SDCCAG8: variants seen among roughly 807,000 people sequenced by gnomAD.
SDCCAG8 encodes the protein SHH signaling and ciliogenesis regulator SDCCAG8.
Under a neutral mutation model 101.8 loss-of-function variants are expected in SDCCAG8, and 74 were observed. The observed-to-expected ratio is 0.73, with a 90% CI of 0.60 to 0.88. SDCCAG8 has a LOEUF of 0.88. Ranked by LOEUF, SDCCAG8 falls within the 40% of genes least tolerant of loss-of-function variation. The probability of loss-of-function intolerance (pLI) is 0.00; values close to 1 mark genes in which losing one functional copy is unlikely to be tolerated. For missense variants in SDCCAG8, 787 were observed against 822.6 expected, an observed-to-expected ratio of 0.96 and a Z score of 0.53; for synonymous variants, 281 against 292.9, an observed-to-expected ratio of 0.96 and a Z score of 0.41.
intron 16 of SDCCAG8, among the ~76,000 whole-genome samples, chr1:243,430,081 G>T (rs1205330925): frequency 2.0e-5 from 3 of 151,972 alleles, no homozygotes; most frequent in Non-Finnish European, 4.4e-5. Context: ...CCATCCTCCC[G>T]CCTCGGCCTT....
chr1:243,451,372 C>A (rs903083286), intron 16 of SDCCAG8, among the ~76,000 whole-genome samples: 3 of 152,212 alleles, frequency 2.0e-5, no homozygotes, highest in African/African-American at 7.2e-5. Flanking sequence ...TAGTTCTCCC[C>A]TCCATAATCC....
At chr1:243,489,244 T>G in intron 17 of SDCCAG8, 104 bp downstream of exon 17, 1,252 of 1,444,930 alleles carry the variant, frequency 8.7e-4, no homozygotes, top group Non-Finnish European at 1.1e-3. Flanking sequence ...TCACATCGGT[T>G]AGCAGTAAGC....
chr1:243,375,409 A>G (rs1343161602), intron 12 of SDCCAG8, among the ~76,000 whole-genome samples: 1 of 152,122 alleles, frequency 6.6e-6, no homozygotes, highest in Admixed American at 6.6e-5. Context: ...ATAAAAAGAA[A>G]GTTAACATAT....
intron 12 of SDCCAG8, among the ~76,000 whole-genome samples, chr1:243,347,948 A>G (rs1206125873): frequency 6.6e-6 from 1 of 151,902 alleles, no homozygotes; most frequent in Non-Finnish European, 1.5e-5. Flanking sequence ...GAACTAAAAT[A>G]TAAAACATTT....
In SDCCAG8 at chr1:243,321,854, G is replaced by T. The variant is rs575379233; in HGVS notation, c.1068+4961G>T. On this transcript the variant is annotated intron_variant, in intron 9 of 17. Coordinates refer to ENST00000366541, the MANE Select transcript of SDCCAG8 (RefSeq NM_006642.5). ...AGTAAAGACAGCGTTTTGCCATGTT[G>T]GCCAGGCTGGTATTGAACTCCTGAC... Among the ~76,000 whole-genome samples the T allele has an allele frequency of 5.3e-5, 8 of 152,288 alleles. No homozygotes were observed. The East Asian group carries it at 5.8e-4, about 11-fold the overall frequency.
intron 10 of SDCCAG8, among the ~76,000 whole-genome samples, chr1:243,335,557 C>T (rs550425437): frequency 4.0e-4 from 61 of 152,270 alleles, no homozygotes; most frequent in African/African-American, 1.4e-3. Context: ...AACAGAACCT[C>T]TCTTTTACTG....
chr1:243,476,288 G>A, intron 16 of SDCCAG8: 1 of 985,492 alleles, frequency 1.0e-6, no homozygotes, highest in Non-Finnish European at 1.2e-6. Flanking sequence ...TTTCAGCATT[G>A]ACGGTTCCGT....
intron 13 of SDCCAG8, among the ~76,000 whole-genome samples, chr1:243,408,890 G>T (rs181768405): frequency 6.6e-6 from 1 of 152,298 alleles, no homozygotes; most frequent in Admixed American, 6.5e-5. Flanking sequence ...AAAAGGATTA[G>T]TCCTTTAAGG....
At chr1:243,410,503 GA>G (rs200593860) in intron 13 of SDCCAG8, among the ~76,000 whole-genome samples, 2,083 of 152,206 alleles carry the variant, frequency 0.014, 17 homozygotes, top group Middle Eastern at 0.024. Context: ...TCTTAAAAGG[GA>G]AACACCTTTT....
chr1:243,392,797 G>A (rs185035811), intron 13 of SDCCAG8, among the ~76,000 whole-genome samples: 20 of 152,262 alleles, frequency 1.3e-4, no homozygotes, highest in South Asian at 6.2e-4. Flanking sequence ...GAATGGTTGG[G>A]ACTATGTTGC....
chr1:243,470,842 G>A (rs1036469788), intron 16 of SDCCAG8, among the ~76,000 whole-genome samples: 2 of 152,152 alleles, frequency 1.3e-5, no homozygotes, highest in Admixed American at 6.5e-5. Context: ...ATCCTTGGGA[G>A]AAAGGAGACT....
At chr1:243,337,369 C>G (rs1313146853) in intron 10 of SDCCAG8, among the ~76,000 whole-genome samples, 1 of 152,104 alleles carries the variant, frequency 6.6e-6, no homozygotes, top group African/African-American at 2.4e-5. Context: ...CATATCTGAG[C>G]TAGAGTCATT....
At chr1:243,336,046 G>C (rs2074986597) in intron 10 of SDCCAG8, among the ~76,000 whole-genome samples, 1 of 152,132 alleles carries the variant, frequency 6.6e-6, no homozygotes, top group Non-Finnish European at 1.5e-5. Flanking sequence ...ATTCTTGATG[G>C]GCACCTAGGT....
chr1:243,322,314 C>T (rs893306510), intron 9 of SDCCAG8, among the ~76,000 whole-genome samples: 6 of 152,170 alleles, frequency 3.9e-5, no homozygotes, highest in African/African-American at 1.4e-4. Context: ...CAGGTGATAC[C>T]AGTGCAGCCA....
At chr1:243,491,778 G>A (rs554367873) in intron 17 of SDCCAG8, among the ~76,000 whole-genome samples, 2 of 152,222 alleles carry the variant, frequency 1.3e-5, no homozygotes, top group African/African-American at 4.8e-5. Context: ...CACCCTCTCT[G>A]TTTTCCTGGA....
intron 16 of SDCCAG8, among the ~76,000 whole-genome samples, chr1:243,443,419 G>A (rs2082678754): frequency 6.6e-6 from 1 of 152,164 alleles, no homozygotes; most frequent in Non-Finnish European, 1.5e-5. Context: ...TTAGGTCCTA[G>A]GCAAATCACT....
chr1:243,365,123 G>A (rs2076928075), intron 12 of SDCCAG8, among the ~76,000 whole-genome samples: 2 of 152,260 alleles, frequency 1.3e-5, no homozygotes, highest in South Asian at 4.1e-4. Flanking sequence ...GAAGAGTCTG[G>A]AGCTTGAGTT....
chr1:243,298,722 A>G lies in SDCCAG8; in HGVS notation c.675+5503A>G, dbSNP rs148235825. On this transcript the variant is annotated intron_variant, in intron 6 of 17. Coordinates refer to ENST00000366541, the MANE Select transcript of SDCCAG8 (RefSeq NM_006642.5). ...CTATGTGTTTATACATCCAAGCACC[A>G]TTTCTTGGAAAGGTAGTCCTTTGCC... 2.9e-3 allele frequency among the ~76,000 whole-genome samples: 439 copies of G among 152,252 alleles called. 2 individuals carry two copies. Among genetic ancestry groups the G allele is most frequent in the Non-Finnish European group, 4.7e-3 (323 of 68,000 alleles).
intron 12 of SDCCAG8, among the ~76,000 whole-genome samples, chr1:243,366,145 A>C (rs893397223): frequency 7.2e-4 from 110 of 152,178 alleles, no homozygotes; most frequent in African/African-American, 2.6e-3. Context: ...ATTTAAATTG[A>C]CTTATGAAGT....
Sources: allele counts gnomAD v4.1 joint callset (sites outside exome capture counted in the v4.1 genomes callset), GRCh38; gene constraint gnomAD v4.1.1; transcripts MANE v1.5; gene names NCBI Gene and HGNC (gene_info 2026-07-23, HGNC 2026-07-21).